USP7: variants seen among roughly 807,000 people sequenced by gnomAD.
The protein encoded by USP7 is ubiquitin specific peptidase 7, also known as ubiquitin C-terminal hydrolase 7.
USP7 carries 9 observed loss-of-function variants against 162.9 expected under a neutral mutation model. The observed-to-expected ratio is 0.06, with a 90% CI of 0.03 to 0.10. The LOEUF is 0.10. USP7 is among the 10% of genes least tolerant of loss of function. USP7 has a pLI of 1.00. For synonymous variants in USP7, 562 were observed against 475.9 expected, an observed-to-expected ratio of 1.18 and a Z score of -2.35; for missense variants, 715 against 1,373.7, an observed-to-expected ratio of 0.52 and a Z score of 7.58.
chr16:8,892,778 T>C lies in USP7; in HGVS notation c.*1220A>G, dbSNP rs2141153119. 1 of 152,310 alleles carries C rather than the reference T, an allele frequency of 6.6e-6. No individual in the cohort carries two copies. Among genetic ancestry groups the C allele is most frequent in the Non-Finnish European group, 1.5e-5 (1 of 68,022 alleles). 9.4% of individuals were successfully genotyped at this position (152,310 alleles called of 1,614,324 possible). A position where few individuals can be genotyped will look rare whatever the true frequency, so the allele number is the denominator to read the frequency against. ...TTCCACGTAACTCACTGAATTATAA[T>C]TTTTATAGAAAATTTTATTCAACAT... is the stretch of plus-strand genomic sequence containing the variant. On this transcript the variant is annotated 3_prime_UTR_variant, in exon 31 of 31. Coordinates refer to ENST00000344836, the MANE Select transcript of USP7 (RefSeq NM_003470.3).
intron 1 of USP7, among the ~76,000 whole-genome samples, chr16:8,951,981 C>G (rs573281513): frequency 1.3e-5 from 2 of 152,334 alleles, no homozygotes; most frequent in South Asian, 2.1e-4. Context: ...CACACCACAA[C>G]GTTCAGACTG....
chr16:8,935,380 G>C (rs1177745226), intron 1 of USP7, among the ~76,000 whole-genome samples: 3 of 151,904 alleles, frequency 2.0e-5, no homozygotes, highest in Admixed American at 1.3e-4. Context: ...CAGCTAATTT[G>C]TCTGTATTTT....
At chr16:8,912,304 T>C (rs1201632626) in intron 10 of USP7, among the ~76,000 whole-genome samples, 1 of 151,814 alleles carries the variant, frequency 6.6e-6, no homozygotes, top group Non-Finnish European at 1.5e-5. Context: ...ATGCAAAAAT[T>C]AGCTGGGTGT....
At chr16:8,930,777 T>C (rs546277208) in intron 1 of USP7, among the ~76,000 whole-genome samples, 1 of 152,314 alleles carries the variant, frequency 6.6e-6, no homozygotes, top group East Asian at 1.9e-4. Flanking sequence ...GAGACCAGGC[T>C]GGCCAACATG....
rs911265234 is a variant in USP7 at position 8,963,422 on chromosome 16, G to A, written c.-137C>T. The A allele has an allele frequency of 9.8e-3, 1,485 of 150,940 alleles. 6 individuals carry two copies. The highest frequency in any genetic ancestry group is 0.014 in the Non-Finnish European group (1,014 of 71,282). The allele number at this position is 150,940 out of a possible 1,614,324, so 9.4% of individuals were successfully genotyped here. The stretch of plus-strand genomic sequence containing the variant: ...CTCCTCCTCCTCCCGCGCGTCGTCG[G>A]CGACGGCGGCCCCGGGGCGGCCCGC... On this transcript the variant is annotated 5_prime_UTR_variant, in exon 1 of 31. Coordinates refer to ENST00000344836, the MANE Select transcript of USP7 (RefSeq NM_003470.3).
chr16:8,958,654 C>G (rs1899896891), intron 1 of USP7, among the ~76,000 whole-genome samples: 1 of 152,190 alleles, frequency 6.6e-6, no homozygotes, highest in Non-Finnish European at 1.5e-5. Context: ...TCTGGACACT[C>G]AGGGACCTGG....
intron 3 of USP7, among the ~76,000 whole-genome samples, chr16:8,921,741 C>G (rs958429952): frequency 2.6e-5 from 4 of 152,132 alleles, no homozygotes; most frequent in African/African-American, 9.7e-5. Flanking sequence ...TGCTGTCCTG[C>G]CCCGGCATCG....
At chr16:8,902,801 T>C (rs1221676036) in intron 16 of USP7, among the ~76,000 whole-genome samples, 9 of 151,976 alleles carry the variant, frequency 5.9e-5, no homozygotes, top group African/African-American at 9.7e-5. Flanking sequence ...GGCAGGAGAA[T>C]TGCTTGAAAC....
intron 1 of USP7, among the ~76,000 whole-genome samples, chr16:8,949,991 G>A (rs960516055): frequency 2.6e-5 from 4 of 152,224 alleles, no homozygotes; most frequent in African/African-American, 9.6e-5. Flanking sequence ...CTAAACAGCA[G>A]TGCTGTCCCA....
intron 2 of USP7, among the ~76,000 whole-genome samples, chr16:8,926,635 C>A (rs906533645): frequency 3.3e-5 from 5 of 152,198 alleles, no homozygotes; most frequent in African/African-American, 9.7e-5. Flanking sequence ...TAACAGTACA[C>A]TGGATCCTAT....
chr16:8,917,261 C>G lies in USP7; in HGVS notation c.721-105G>C, dbSNP rs1470588356. On this transcript the variant is annotated intron_variant, in intron 6 of 30. Transcript: ENST00000344836. Reference sequence around the variant, plus strand: ...TGTTTAAAAAAATCATTTCTAATAACACAATGGCTAAGGTTGTTGTTAGGG... The same window carrying G: ...TGTTTAAAAAAATCATTTCTAATAAGACAATGGCTAAGGTTGTTGTTAGGG... 15 of 1,356,748 alleles carry G rather than the reference C, an allele frequency of 1.1e-5. No homozygotes were observed. In the Admixed American group the frequency reaches 4.0e-4, roughly 36 times the overall value. 84.0% of individuals were successfully genotyped at this position (1,356,748 alleles called of 1,614,324 possible).
chr16:8,926,271 A>C (rs944405383), intron 2 of USP7, among the ~76,000 whole-genome samples: 24 of 152,212 alleles, frequency 1.6e-4, no homozygotes, highest in African/African-American at 4.8e-4. Flanking sequence ...TGAGGTCAGG[A>C]GTTTGAGACC....
rs1216899990 is a variant in USP7, at chr16:8,956,787, A to AC, written c.79+6419_79+6420insG. ...TAAAAAAACAAAAACAAAAAAAAAAAAACACTGAATTTGCTTTACACAGCC... is the reference window on the plus strand; with the variant it reads ...TAAAAAAACAAAAACAAAAAAAAAAACAACACTGAATTTGCTTTACACAGCC... On this transcript the variant is annotated intron_variant, in intron 1 of 30. Transcript: ENST00000344836. Among the ~76,000 whole-genome samples, 8 of 151,200 alleles carry AC rather than the reference A, an allele frequency of 5.3e-5. 1 individual carries two copies. Among genetic ancestry groups the AC allele is most frequent in the Non-Finnish European group, 7.4e-5 (5 of 67,862 alleles).
intron 10 of USP7, 21 bp downstream of exon 10, chr16:8,915,233 T>C (rs1262255335): frequency 1.9e-6 from 3 of 1,558,992 alleles, no homozygotes; most frequent in Non-Finnish European, 2.6e-6. Context: ...GATCATGCCA[T>C]TAGATACACA....
rs1318699934 is a variant in USP7, at chr16:8,945,225, C to CA, written c.80-14829dup. Among the ~76,000 whole-genome samples, 751 of 147,420 alleles carry CA rather than the reference C, an allele frequency of 5.1e-3. 8 individuals carry two copies. Among genetic ancestry groups the CA allele is most frequent in the African/African-American group, 0.017 (667 of 40,294 alleles). ...GGCAACAAGAGCGAAATTCCATCTT[C>CA]AAAAAAAAAATAGCCAGGTGTGGTG... On this transcript the variant is annotated intron_variant, in intron 1 of 30. Transcript: ENST00000344836.
chr16:8,935,709 C>G (rs887812111), intron 1 of USP7: 3 of 152,168 alleles, frequency 2.0e-5, no homozygotes, highest in African/African-American at 4.8e-5. Context: ...ATTGCTAGGC[C>G]TTTTAACGCA....
At chr16:8,895,184 G>C (rs775111888) in intron 27 of USP7, 34 bp from the exon 28 acceptor site, 9 of 1,613,880 alleles carry the variant, frequency 5.6e-6, no homozygotes, top group Admixed American at 5.0e-5. Context: ...AGTTCTGTAA[G>C]TGCAAGTGAT....
At chr16:8,956,102 G>T (rs1483994947) in intron 1 of USP7, among the ~76,000 whole-genome samples, 2 of 152,198 alleles carry the variant, frequency 1.3e-5, no homozygotes, top group African/African-American at 4.8e-5. Flanking sequence ...CTGGAGGTTA[G>T]TACATAACAC....
At chr16:8,958,294 T>C (rs1484507427) in intron 1 of USP7, among the ~76,000 whole-genome samples, 1 of 152,194 alleles carries the variant, frequency 6.6e-6, no homozygotes, top group African/African-American at 2.4e-5. Context: ...TGAACCACTT[T>C]CCTGGGGTAT....
Sources: allele counts gnomAD v4.1 joint callset (sites outside exome capture counted in the v4.1 genomes callset), GRCh38; gene constraint gnomAD v4.1.1; transcripts MANE v1.5; gene names NCBI Gene and HGNC (gene_info 2026-07-23, HGNC 2026-07-21).